Variants in PACSIN2 observed in about 807,000 individuals in gnomAD.
PACSIN2 encodes the protein protein kinase C and casein kinase substrate in neurons 2, also known as protein kinase C and casein kinase substrate in neurons protein 2.
In PACSIN2, 25 loss-of-function variants were observed where a neutral mutation model predicts 63.8. The observed-to-expected ratio is 0.39, with a 90% CI of 0.29 to 0.55. The LOEUF is 0.55. Among genes scored for constraint, PACSIN2 ranks in the 20% least tolerant of loss-of-function variants. PACSIN2 has a pLI of 0.62. For missense variants in PACSIN2, 518 were observed against 646.9 expected, an observed-to-expected ratio of 0.80 and a Z score of 2.16; for synonymous variants, 255 against 256.2, an observed-to-expected ratio of 1.00 and a Z score of 0.05.
chr22:42,936,223 A>AG (rs965222844), intron 1 of PACSIN2, among the ~76,000 whole-genome samples: 1 of 151,662 alleles, frequency 6.6e-6, no homozygotes, highest in African/African-American at 2.4e-5. Flanking sequence ...CTCAAAAAAA[A>AG]AAAAAAAAAT....
rs1928118412 is a variant in PACSIN2 at position 42,871,467 on chromosome 22, C to A, written c.1351G>T (p.Asp451Tyr). 6.2e-7 allele frequency: 1 copy of A among 1,611,692 alleles called. No individual in the cohort carries two copies. Among genetic ancestry groups the A allele is most frequent in the Non-Finnish European group, 8.5e-7 (1 of 1,177,726 alleles). ...EHDELSFKAG[D>Y]ELTKMEDEDE... Reference sequence around the variant, plus strand: ...TCGTCCTCCATCTTGGTCAGCTCATCCCCTGCAAGACAAAGAGGGAGCCGT... The same window carrying A: ...TCGTCCTCCATCTTGGTCAGCTCATACCCTGCAAGACAAAGAGGGAGCCGT... The change falls in exon 11 of 11, where the codon GAT (aspartate) becomes TAT (tyrosine). Residue 451 changes from aspartate (D) to tyrosine (Y), a missense_variant and splice_region_variant. Asp to Tyr is a radical substitution (Grantham distance 160). Around this residue, in one of 2 missense-constraint regions of PACSIN2, gnomAD observed 507 missense variants for 612.3 expected, o/e 0.83. Coordinates refer to ENST00000263246, the MANE Select transcript of PACSIN2 (RefSeq NM_001184970.3). The surrounding 1 kb of genome is among the most constrained non-coding windows in gnomAD (Gnocchi z 5.4).
At chr22:42,910,628 T>C (rs1172873082) in intron 2 of PACSIN2, among the ~76,000 whole-genome samples, 1 of 152,234 alleles carries the variant, frequency 6.6e-6, no homozygotes, top group East Asian at 1.9e-4. Flanking sequence ...GAGATGTGGC[T>C]GGCGACCTGT....
At chr22:42,938,418 C>T (rs1289506354) in intron 1 of PACSIN2, among the ~76,000 whole-genome samples, 2 of 152,156 alleles carry the variant, frequency 1.3e-5, no homozygotes, top group African/African-American at 4.8e-5. Flanking sequence ...ACACAGGAGG[C>T]GTCAGAAAGA....
At chr22:42,903,897 T>C (rs1345708871) in intron 2 of PACSIN2, among the ~76,000 whole-genome samples, 1 of 152,128 alleles carries the variant, frequency 6.6e-6, no homozygotes, top group African/African-American at 2.4e-5. Context: ...GAAACCTGTA[T>C]CCTCAAGTAC....
At chr22:42,941,314 T>C (rs775791772) in intron 1 of PACSIN2, among the ~76,000 whole-genome samples, 3 of 152,252 alleles carry the variant, frequency 2.0e-5, no homozygotes, top group African/African-American at 7.2e-5. Context: ...ATTTGGGTTG[T>C]TTGCCACTTT....
intron 2 of PACSIN2, among the ~76,000 whole-genome samples, chr22:42,903,996 T>TA (rs1192367534): frequency 1.3e-5 from 2 of 152,132 alleles, no homozygotes; most frequent in Non-Finnish European, 2.9e-5. Context: ...TCAACAATCA[T>TA]AAAGACACAC....
chr22:42,908,242 C>CA (rs1216792224), intron 2 of PACSIN2, among the ~76,000 whole-genome samples: 2 of 152,248 alleles, frequency 1.3e-5, no homozygotes, highest in Non-Finnish European at 2.9e-5. Context: ...GAGGCAGACT[C>CA]AGGCTCCAGT....
intron 1 of PACSIN2, among the ~76,000 whole-genome samples, chr22:42,992,955 G>A (rs1923142328): frequency 6.6e-6 from 1 of 152,152 alleles, no homozygotes; most frequent in Admixed American, 6.6e-5. Flanking sequence ...CCCGAGCTCA[G>A]GAGTTTGAGA....
At chr22:42,885,378 C>A (rs1929398696) in intron 5 of PACSIN2, among the ~76,000 whole-genome samples, 1 of 152,042 alleles carries the variant, frequency 6.6e-6, no homozygotes, top group Non-Finnish European at 1.5e-5. Context: ...TCGTGTTGTC[C>A]CCCTGGGGTG....
chr22:42,938,704 G>C (rs1933016765), intron 1 of PACSIN2, among the ~76,000 whole-genome samples: 2 of 152,196 alleles, frequency 1.3e-5, no homozygotes, highest in Non-Finnish European at 1.5e-5. Context: ...TGCCTGGCTG[G>C]TGAAGAGCCT....
intron 1 of PACSIN2, among the ~76,000 whole-genome samples, chr22:42,919,772 C>CAAAAAAAAAAAA (rs761464603): frequency 1.0e-4 from 5 of 48,742 alleles, no homozygotes; most frequent in Non-Finnish European, 9.7e-5. Flanking sequence ...GAACCTGTCT[C>CAAAAAAAAAAAA]AAAAAAAAAA....
At chr22:42,980,220 A>T (rs1298793144) in intron 1 of PACSIN2, among the ~76,000 whole-genome samples, 1 of 152,196 alleles carries the variant, frequency 6.6e-6, no homozygotes, top group East Asian at 1.9e-4. Flanking sequence ...AAAATTAATT[A>T]AATTAATTAA....
At chr22:42,964,385 T>TC (rs1224739629) in intron 1 of PACSIN2, among the ~76,000 whole-genome samples, 1 of 141,576 alleles carries the variant, frequency 7.1e-6, no homozygotes, top group Non-Finnish European at 1.5e-5. Context: ...GCCATTACAC[T>TC]CCAGCCTGGG....
intron 1 of PACSIN2, among the ~76,000 whole-genome samples, chr22:42,962,082 A>G (rs4822236): frequency 0.61 from 93,081 of 151,894 alleles, 29,199 homozygotes; most frequent in East Asian, 0.78. Context: ...CTGGGGAAGC[A>G]AGTTTGAGAC....
chr22:42,961,223 T>G (rs892824348), intron 1 of PACSIN2, among the ~76,000 whole-genome samples: 1 of 152,216 alleles, frequency 6.6e-6, no homozygotes, highest in African/African-American at 2.4e-5. Context: ...AAATGTTCAG[T>G]TAAAAACAGC....
intron 1 of PACSIN2, among the ~76,000 whole-genome samples, chr22:42,954,334 T>G (rs897958296): frequency 4.6e-5 from 7 of 152,224 alleles, no homozygotes; most frequent in Non-Finnish European, 8.8e-5. Context: ...GCCTCTAGTC[T>G]TGGGCTGTCC....
intron 1 of PACSIN2, among the ~76,000 whole-genome samples, chr22:42,935,070 C>T (rs1429463563): frequency 6.6e-6 from 1 of 151,680 alleles, no homozygotes; most frequent in African/African-American, 2.4e-5. Context: ...TGCCCGCCAC[C>T]GCGCCCGGCT....
intron 1 of PACSIN2, among the ~76,000 whole-genome samples, chr22:42,997,828 C>A (rs1010458996): frequency 6.6e-6 from 1 of 152,134 alleles, no homozygotes; most frequent in African/African-American, 2.4e-5. Flanking sequence ...ATGCAGTGAG[C>A]TGAGATCACA....
In PACSIN2 at chr22:42,912,358, G is replaced by A. The variant is rs1335301937; in HGVS notation, c.-77-201C>T. Among the ~76,000 whole-genome samples, 3 of 152,182 alleles carry A rather than the reference G, an allele frequency of 2.0e-5. No homozygotes were observed. In the East Asian group the frequency reaches 5.8e-4, roughly 29 times the overall value. On this transcript the variant is annotated intron_variant, in intron 1 of 10. Coordinates refer to ENST00000263246, the MANE Select transcript of PACSIN2 (RefSeq NM_001184970.3). ...TGTATGTCTGTGTGTGTGCATGGTG[G>A]GTGATGGGGGCGAGGGGTGCATGTG...
Sources: gnomAD v4.1 joint callset for allele counts (sites outside exome capture counted in the v4.1 genomes callset) on GRCh38, gnomAD v4.1.1 for gene constraint, gnomAD v4.1.1 regional missense constraint, Gnocchi (gnomAD v3.1) non-coding constraint, MANE v1.5 for transcripts, NCBI Gene and HGNC (gene_info 2026-07-23, HGNC 2026-07-21) for gene names.